THSD7B: variants seen among roughly 807,000 people sequenced by gnomAD.
THSD7B encodes thrombospondin type-1 domain-containing protein 7B.
A neutral mutation model predicts 213.6 loss-of-function variants in THSD7B; 138 were observed. The ratio of observed to expected loss-of-function variants is 0.65; its 90% CI spans 0.56 to 0.74. THSD7B has a LOEUF of 0.74. THSD7B is among the 30% of genes least tolerant of loss of function. The pLI is 0.00. For missense variants in THSD7B, 1,931 were observed against 1,991.5 expected (o/e 0.97, Z 0.58); for synonymous variants, 742 against 687.0 (o/e 1.08, Z -1.25).
intron 14 of THSD7B, among the ~76,000 whole-genome samples, chr2:137,441,443 C>T (rs1270111269): frequency 1.3e-5 from 2 of 152,106 alleles, no homozygotes; most frequent in African/African-American, 4.8e-5. Context: ...AATTTGTGGT[C>T]TCTCTCCTGC....
chr2:136,966,445 G>A (rs1685315442), intron 2 of THSD7B, among the ~76,000 whole-genome samples: 1 of 152,074 alleles, frequency 6.6e-6, no homozygotes, highest in Non-Finnish European at 1.5e-5. Flanking sequence ...TCAAACTCTT[G>A]GGTTCAAGTG....
intron 7 of THSD7B, among the ~76,000 whole-genome samples, chr2:137,193,359 A>T (rs1186491244): frequency 6.6e-6 from 1 of 152,216 alleles, no homozygotes; most frequent in Non-Finnish European, 1.5e-5. Flanking sequence ...TAAATTTATA[A>T]ACACAGTGTG....
intron 17 of THSD7B, among the ~76,000 whole-genome samples, chr2:137,604,960 G>C (rs1377026012): frequency 6.6e-6 from 1 of 152,070 alleles, no homozygotes; most frequent in Non-Finnish European, 1.5e-5. Context: ...GGTTGTACTA[G>C]TAGAAAAATA....
At chr2:137,341,756 T>A (rs1318122515) in intron 12 of THSD7B, among the ~76,000 whole-genome samples, 1 of 151,664 alleles carries the variant, frequency 6.6e-6, no homozygotes, top group Non-Finnish European at 1.5e-5. Flanking sequence ...TAGGCACTTT[T>A]ATAAAAAATC....
chr2:137,228,299 T>G (rs1371895947), intron 7 of THSD7B, among the ~76,000 whole-genome samples: 2 of 152,096 alleles, frequency 1.3e-5, no homozygotes, highest in Non-Finnish European at 2.9e-5. Flanking sequence ...TTGGTGTTGG[T>G]GGGAGTATTG....
At chr2:136,814,107 TG>T (rs1682432648) in intron 1 of THSD7B, among the ~76,000 whole-genome samples, 1 of 152,220 alleles carries the variant, frequency 6.6e-6, no homozygotes, top group Admixed American at 6.5e-5. Context: ...CCTTGATCTT[TG>T]AACTCAGCTG....
chr2:136,938,180 A>C (rs1258857468), intron 2 of THSD7B, among the ~76,000 whole-genome samples: 1 of 152,128 alleles, frequency 6.6e-6, no homozygotes, highest in Non-Finnish European at 1.5e-5. Flanking sequence ...CCTGGAGAAA[A>C]CAGTGCTCAG....
At chr2:136,875,169 C>T (rs2104985090) in intron 1 of THSD7B, among the ~76,000 whole-genome samples, 1 of 152,314 alleles carries the variant, frequency 6.6e-6, no homozygotes, top group East Asian at 1.9e-4. Context: ...CGTCTGTGAT[C>T]CCAGCACATT....
intron 12 of THSD7B, among the ~76,000 whole-genome samples, chr2:137,346,476 C>T (rs1006620008): frequency 8.1e-5 from 12 of 148,822 alleles, no homozygotes; most frequent in African/African-American, 2.8e-4. Flanking sequence ...ATTAATATTC[C>T]ATTCTCTCTC....
chr2:136,833,239 C>T (rs531404939), intron 1 of THSD7B, among the ~76,000 whole-genome samples: 2 of 151,842 alleles, frequency 1.3e-5, no homozygotes, highest in Non-Finnish European at 2.9e-5. Flanking sequence ...GTGGCGGGTG[C>T]CTGTAGTCCC....
At chr2:137,070,004 C>T (rs960110331) in intron 3 of THSD7B, among the ~76,000 whole-genome samples, 1 of 151,488 alleles carries the variant, frequency 6.6e-6, no homozygotes, top group African/African-American at 2.4e-5. Flanking sequence ...ACCTCCTCAT[C>T]CATATTGATT....
intron 2 of THSD7B, among the ~76,000 whole-genome samples, chr2:136,894,455 G>C (rs1683917905): frequency 6.6e-6 from 1 of 152,166 alleles, no homozygotes; most frequent in African/African-American, 2.4e-5. Context: ...GTGTGACCTT[G>C]AGCAAGTTCC....
Position 136,879,930 on chromosome 2 carries a change from T to C in THSD7B, c.-35-2214T>C, listed in dbSNP as rs574777531. ...AGAAGAGCTAACTATTCTAAATTTA[T>C]ATGCACCCAATATAGGAGCACCCAG... On this transcript the variant is annotated intron_variant, in intron 1 of 27. Coordinates refer to ENST00000409968, the MANE Select transcript of THSD7B (RefSeq NM_001316349.2). Among the ~76,000 whole-genome samples, 11 of 152,320 alleles carry C rather than the reference T, an allele frequency of 7.2e-5. No homozygotes were observed. The East Asian group carries it at 2.1e-3, about 29-fold the overall frequency.
At chr2:136,956,322 G>A (rs1573732751) in intron 2 of THSD7B, among the ~76,000 whole-genome samples, 1 of 152,232 alleles carries the variant, frequency 6.6e-6, no homozygotes, top group South Asian at 2.1e-4. Flanking sequence ...GAGTCTTCCA[G>A]TGGCTAAAAT....
intron 27 of THSD7B, among the ~76,000 whole-genome samples, chr2:137,669,764 A>C (rs943088894): frequency 1.3e-5 from 2 of 152,196 alleles, no homozygotes; most frequent in African/African-American, 4.8e-5. Context: ...TATGGTTCCC[A>C]TTTCCCCTAA....
intron 12 of THSD7B, among the ~76,000 whole-genome samples, chr2:137,370,108 G>C (rs550354805): frequency 2.6e-5 from 4 of 152,048 alleles, no homozygotes; most frequent in African/African-American, 4.8e-5. Flanking sequence ...AGGAAAATTG[G>C]ACAGGCTTTG....
chr2:137,314,737 C>T (rs1383215191), intron 12 of THSD7B, among the ~76,000 whole-genome samples: 1 of 152,176 alleles, frequency 6.6e-6, no homozygotes, highest in African/African-American at 2.4e-5. Context: ...ACAGGACCCT[C>T]AGCTGCAGGT....
chr2:136,855,602 A>ATTATTTATTTAT (rs1553453364), intron 1 of THSD7B, among the ~76,000 whole-genome samples: 228 of 19,344 alleles, frequency 0.012, 1 homozygote, highest in African/African-American at 0.024. Context: ...TTATTTATTT[A>ATTATTTATTTAT]TTATTTATTT....
intron 2 of THSD7B, among the ~76,000 whole-genome samples, chr2:136,945,624 G>A (rs1369385568): frequency 6.6e-6 from 1 of 151,904 alleles, no homozygotes; most frequent in Non-Finnish European, 1.5e-5. Flanking sequence ...ATGTAGATTT[G>A]GTGTTTCCTC....
Sources: gnomAD v4.1 joint callset for allele counts (sites outside exome capture counted in the v4.1 genomes callset) on GRCh38, gnomAD v4.1.1 for gene constraint, MANE v1.5 for transcripts, NCBI Gene and HGNC (gene_info 2026-07-23, HGNC 2026-07-21) for gene names.